The following ALK variants were observed in gnomAD, a reference collection of about 807,000 sequenced individuals.
The protein encoded by ALK is ALK receptor tyrosine kinase, also known as ALK tyrosine kinase receptor.
In ALK, 74 loss-of-function variants were observed where a neutral mutation model predicts 163.1. That is an observed-to-expected ratio of 0.45 (90% CI 0.38 to 0.55). The LOEUF is 0.55. Ranked by LOEUF, ALK falls within the 20% of genes least tolerant of loss-of-function variation. The pLI, the probability that ALK is intolerant of heterozygous loss-of-function variation, is 0.00. For synonymous variants in ALK, 960 were observed against 843.2 expected, an observed-to-expected ratio of 1.14 and a Z score of -2.40; for missense variants, 2,063 against 2,105.3, an observed-to-expected ratio of 0.98 and a Z score of 0.39.
Position 29,246,610 on chromosome 2 carries a change from G to A in ALK, c.2204+4495C>T, listed in dbSNP as rs937366471. Among the ~76,000 whole-genome samples, 1 of 152,128 alleles carries A rather than the reference G, an allele frequency of 6.6e-6. No individual in the cohort carries two copies. Among genetic ancestry groups the A allele is most frequent in the Admixed American group, 6.5e-5 (1 of 15,284 alleles). ...CGTGGGAGAGTGGCTGCGCTCCTTTGTCCTCGCTTCCTCAGTCCATGCCAG... is the reference window on the plus strand; with the variant it reads ...CGTGGGAGAGTGGCTGCGCTCCTTTATCCTCGCTTCCTCAGTCCATGCCAG... On this transcript the variant is annotated intron_variant, in intron 12 of 28. Transcript: ENST00000389048. The surrounding 1 kb of genome is among the most constrained non-coding windows in gnomAD (Gnocchi z 4.3).
chr2:29,827,965 A>G (rs1665247616), intron 1 of ALK, among the ~76,000 whole-genome samples: 1 of 152,248 alleles, frequency 6.6e-6, no homozygotes, highest in African/African-American at 2.4e-5. Flanking sequence ...GTACCAAAAC[A>G]GAGATATAGA....
rs765034301 is a variant in ALK at position 29,193,570 on chromosome 2, G to A, written c.4517C>T (p.Thr1506Met). The A allele has an allele frequency of 1.9e-6, 3 of 1,614,212 alleles. No homozygotes were observed. The highest frequency in any genetic ancestry group is 2.2e-5 in the East Asian group (1 of 44,894). The change falls in exon 29 of 29, where the codon ACG (threonine) becomes ATG (methionine). Residue 1506 changes from threonine (T) to methionine (M), a missense_variant. This residue lies in a region of ALK where 403 missense variants were observed against 366.2 expected (regional missense o/e 1.10). Coordinates refer to ENST00000389048, the MANE Select transcript of ALK (RefSeq NM_004304.5). ...RNKPTSLWNP[T>M]YGSWFTEKPT... is the part of the protein sequence containing the mutation. Reference sequence around the variant, plus strand: ...TTTCTCTGTAAACCAGGAGCCGTACGTTGGGTTCCACAAGCTGGTGGGCTT... The same window carrying A: ...TTTCTCTGTAAACCAGGAGCCGTACATTGGGTTCCACAAGCTGGTGGGCTT...
At chr2:29,444,085 C>G (rs1376881257) in intron 4 of ALK, among the ~76,000 whole-genome samples, 1 of 152,168 alleles carries the variant, frequency 6.6e-6, no homozygotes, top group African/African-American at 2.4e-5. Context: ...AAATAAACTA[C>G]AGTAGAGAGC....
chr2:29,349,597 T>C (rs142904869), intron 5 of ALK, among the ~76,000 whole-genome samples: 2 of 152,290 alleles, frequency 1.3e-5, no homozygotes, highest in African/African-American at 2.4e-5. Context: ...TTAAATACTC[T>C]AGTGCAAAAA....
intron 1 of ALK, among the ~76,000 whole-genome samples, chr2:29,895,307 G>A (rs1165377129): frequency 6.6e-6 from 1 of 152,252 alleles, no homozygotes; most frequent in East Asian, 1.9e-4. Flanking sequence ...CCACACTGCA[G>A]TGCACTGGGA....
Position 29,222,676 on chromosome 2 carries a change from T to G in ALK, c.3360-69A>C, listed in dbSNP as rs932728502. On this transcript the variant is annotated intron_variant, in intron 20 of 28. Transcript: ENST00000389048. ...ACAATAATGAGGCAGCTGGGGGTCCTGAGCCTGGGCGTCACATTTAGTGGA... is the reference window on the plus strand; with the variant it reads ...ACAATAATGAGGCAGCTGGGGGTCCGGAGCCTGGGCGTCACATTTAGTGGA... 1.3e-5 allele frequency: 18 copies of G among 1,413,512 alleles called. No individual in the cohort carries two copies. The African/African-American group carries it at 2.4e-4, about 19-fold the overall frequency. 87.6% of individuals were successfully genotyped at this position (1,413,512 alleles called of 1,614,324 possible). A position where few individuals can be genotyped will look rare whatever the true frequency, so the allele number is the denominator to read the frequency against.
chr2:29,889,742 A>AGAGG (rs1667095672), intron 1 of ALK, among the ~76,000 whole-genome samples: 3 of 120,476 alleles, frequency 2.5e-5, no homozygotes, highest in African/African-American at 9.2e-5. Context: ...AGAGAGAGAG[A>AGAGG]GAGAGAGAGA....
intron 3 of ALK, among the ~76,000 whole-genome samples, chr2:29,684,020 T>C (rs1015954774): frequency 6.6e-6 from 1 of 152,252 alleles, no homozygotes; most frequent in African/African-American, 2.4e-5. Context: ...GTAAAGATTA[T>C]CTTTCCACTC....
At chr2:29,878,408 T>G (rs917911769) in intron 1 of ALK, among the ~76,000 whole-genome samples, 3 of 152,216 alleles carry the variant, frequency 2.0e-5, no homozygotes, top group Admixed American at 2.0e-4. Context: ...CCTGCAGTCA[T>G]TTGTATTTTA....
At position 29,831,235 on chromosome 2, in the gene ALK, GGAAGAA is replaced by G. The variant is rs369174166; in HGVS notation, c.667+88752_667+88757del. On this transcript the variant is annotated intron_variant, in intron 1 of 28. Coordinates refer to ENST00000389048, the MANE Select transcript of ALK (RefSeq NM_004304.5). ...AGGAAGAGGAAGAGGAAGAAGAAGAGGAAGAAGAAGAGGAAGAGGAAGAGGAAGAAG... is the reference window on the plus strand; with the variant it reads ...AGGAAGAGGAAGAGGAAGAAGAAGAGGAAGAGGAAGAGGAAGAGGAAGAAG... 1.9e-3 allele frequency among the ~76,000 whole-genome samples: 65 copies of G among 33,980 alleles called. 12 individuals carry two copies. The highest frequency in any genetic ancestry group is 5.8e-3 in the African/African-American group (60 of 10,410). 22.3% of individuals were successfully genotyped at this position (33,980 alleles called of 152,430 possible).
intron 1 of ALK, among the ~76,000 whole-genome samples, chr2:29,885,027 C>T (rs1470061129): frequency 6.6e-6 from 1 of 152,182 alleles, no homozygotes; most frequent in Admixed American, 6.5e-5. Flanking sequence ...CAGCTGCTAA[C>T]TCCTAAACCT....
At chr2:29,515,567 G>A (rs1672638592) in intron 4 of ALK, among the ~76,000 whole-genome samples, 1 of 152,214 alleles carries the variant, frequency 6.6e-6, no homozygotes, top group East Asian at 1.9e-4. Context: ...GATGGTAGGG[G>A]TGGGGATAGG....
At chr2:29,372,993 A>ATT (rs111433897) in intron 5 of ALK, among the ~76,000 whole-genome samples, 1 of 151,922 alleles carries the variant, frequency 6.6e-6, no homozygotes, top group Non-Finnish European at 1.5e-5. Context: ...TCACAGCCAC[A>ATT]TTTTTTTTAA....
intron 3 of ALK, among the ~76,000 whole-genome samples, chr2:29,640,287 G>A (rs1221825406): frequency 6.6e-6 from 1 of 152,206 alleles, no homozygotes; most frequent in Non-Finnish European, 1.5e-5. Context: ...TGGAGGTGGG[G>A]CTTGGTGGGG....
intron 4 of ALK, among the ~76,000 whole-genome samples, chr2:29,519,532 C>T (rs1672757570): frequency 6.6e-6 from 1 of 152,180 alleles, no homozygotes; most frequent in South Asian, 2.1e-4. Flanking sequence ...GCTTTGCCAA[C>T]AACCACATTT....
intron 1 of ALK, among the ~76,000 whole-genome samples, chr2:29,721,977 C>T (rs762406436): frequency 1.6e-4 from 25 of 152,364 alleles, no homozygotes; most frequent in African/African-American, 2.6e-4. Flanking sequence ...AGGTCGCCGA[C>T]GACCCTAGGC....
rs78378278 is a variant in ALK at position 29,920,532 on chromosome 2, G to C, written c.128C>G (p.Pro43Arg). ...AAGPPLQPRE[P>R]LSYSRLQRKS... ...CCTCTGCAGGCGCGAGTAGCTGAGT[G>C]GCTCCCGGGGCTGCAGCGGCGGCCC... The change falls in exon 1 of 29, where the codon CCA becomes CGA. Residue 43 changes from proline to arginine, a missense_variant. Pro to Arg is a moderately radical substitution (Grantham distance 103). This residue lies in a region of ALK where 987 missense variants were observed against 939.5 expected (regional missense o/e 1.05). Transcript: ENST00000389048. 1 of 1,609,562 alleles carries C rather than the reference G, an allele frequency of 6.2e-7. No individual in the cohort carries two copies. The highest frequency in any genetic ancestry group is 1.3e-5 in the African/African-American group (1 of 74,882).
Position 29,694,530 on chromosome 2 carries a change from T to A in ALK, c.952+320A>T, listed in dbSNP as rs192883924. Among the ~76,000 whole-genome samples, 927 of 152,362 alleles carry A rather than the reference T, an allele frequency of 6.1e-3. 7 individuals carry two copies. The highest frequency in any genetic ancestry group is 0.034 in the Middle Eastern group (10 of 294). On this transcript the variant is annotated intron_variant, in intron 3 of 28. Transcript: ENST00000389048. ...CATCTGAAATTCAAATTTAATGAGGTATCTTGTATTTTATCTGGCAATCCC... is the reference window on the plus strand; with the variant it reads ...CATCTGAAATTCAAATTTAATGAGGAATCTTGTATTTTATCTGGCAATCCC...
chr2:29,472,556 T>C (rs936737453), intron 4 of ALK, among the ~76,000 whole-genome samples: 2 of 152,214 alleles, frequency 1.3e-5, no homozygotes, highest in African/African-American at 4.8e-5. Context: ...TTACCACTTC[T>C]AACATACATT....
Sources: allele counts gnomAD v4.1 joint callset (sites outside exome capture counted in the v4.1 genomes callset), GRCh38; gene constraint gnomAD v4.1.1; regional missense constraint gnomAD v4.1.1; non-coding constraint Gnocchi (gnomAD v3.1); transcripts MANE v1.5; gene names NCBI Gene and HGNC (gene_info 2026-07-23, HGNC 2026-07-21).